Variants in TENM2 observed in about 807,000 individuals in gnomAD.
The protein encoded by TENM2 is teneurin-2.
A neutral mutation model predicts 245.2 loss-of-function variants in TENM2; 52 were observed. The observed-to-expected ratio is 0.21, with a 90% confidence interval of 0.17 to 0.27. The LOEUF is 0.27. Ranked by LOEUF, TENM2 falls within the 10% of genes least tolerant of loss-of-function variation. TENM2 has a pLI of 1.00. For synonymous variants in TENM2, 1,363 were observed against 1,438.9 expected (o/e 0.95, Z 1.19); for missense variants, 3,046 against 3,666.8 (o/e 0.83, Z 4.37).
chr5:168,048,461 C>A (rs1042968417), intron 6 of TENM2, among the ~76,000 whole-genome samples: 2 of 152,194 alleles, frequency 1.3e-5, no homozygotes, highest in Non-Finnish European at 2.9e-5. Flanking sequence ...GGAAAGGAAG[C>A]AGCATTTATT....
intron 23 of TENM2, among the ~76,000 whole-genome samples, chr5:168,219,916 TC>T (rs1290715457): frequency 1.3e-5 from 2 of 151,604 alleles, no homozygotes; most frequent in African/African-American, 4.9e-5. Flanking sequence ...AATGTTTACT[TC>T]CTGTTTGTAT....
At chr5:167,995,204 G>T (rs903525618) in intron 5 of TENM2, among the ~76,000 whole-genome samples, 1 of 152,174 alleles carries the variant, frequency 6.6e-6, no homozygotes, top group African/African-American at 2.4e-5. Context: ...GATTTATGGG[G>T]CTTGATAGTT....
At chr5:167,457,997 T>G (rs994200147) in intron 2 of TENM2, among the ~76,000 whole-genome samples, 3 of 152,234 alleles carry the variant, frequency 2.0e-5, no homozygotes, top group African/African-American at 7.2e-5. Flanking sequence ...AACTTGATTT[T>G]TTTTTAATAC....
chr5:167,905,161 C>G (rs1775989799), intron 3 of TENM2, among the ~76,000 whole-genome samples: 1 of 152,162 alleles, frequency 6.6e-6, no homozygotes. Context: ...AAGAAACCCC[C>G]AAATGCGAAC....
At chr5:167,405,526 A>G (rs1426085132) in intron 2 of TENM2, among the ~76,000 whole-genome samples, 2 of 151,970 alleles carry the variant, frequency 1.3e-5, no homozygotes, top group African/African-American at 2.4e-5. Context: ...AGGAGCTCTT[A>G]TATATTGTTT....
chr5:167,955,259 T>C (rs887955881), intron 4 of TENM2, among the ~76,000 whole-genome samples: 2 of 152,202 alleles, frequency 1.3e-5, no homozygotes, highest in Non-Finnish European at 2.9e-5. Context: ...CCCACATGAA[T>C]GTCTTCTTTT....
chr5:167,133,978 T>C, the TENM2 span, among the ~76,000 whole-genome samples: 1 of 152,196 alleles, frequency 6.6e-6, no homozygotes, highest in African/African-American at 2.4e-5. Context: ...TTCCAAAACC[T>C]CTATAGAGTG....
the TENM2 span, among the ~76,000 whole-genome samples, chr5:167,232,557 G>A: frequency 6.6e-6 from 1 of 151,998 alleles, no homozygotes; most frequent in Non-Finnish European, 1.5e-5. Context: ...ATTTTTAGTA[G>A]AGACAGGGTT....
At chr5:168,026,266 A>C (rs575189864) in intron 5 of TENM2, among the ~76,000 whole-genome samples, 2 of 152,250 alleles carry the variant, frequency 1.3e-5, no homozygotes, top group African/African-American at 2.4e-5. Context: ...AGCAGTGTCC[A>C]CCTAAACATT....
chr5:167,581,237 A>G (rs1408842005), intron 2 of TENM2, among the ~76,000 whole-genome samples: 1 of 152,236 alleles, frequency 6.6e-6, no homozygotes. Context: ...GTATAACATA[A>G]TATAAGCAAT....
At chr5:167,209,427 C>A in the TENM2 span, among the ~76,000 whole-genome samples, 1 of 151,880 alleles carries the variant, frequency 6.6e-6, no homozygotes, top group Admixed American at 6.6e-5. Flanking sequence ...CCATGCTCAG[C>A]TAATTTTTGT....
chr5:167,874,130 T>C (rs1374690622), intron 2 of TENM2, among the ~76,000 whole-genome samples: 1 of 152,180 alleles, frequency 6.6e-6, no homozygotes, highest in African/African-American at 2.4e-5. Context: ...AACTCCTACC[T>C]GGCCAGGCTG....
chr5:167,865,005 G>A lies in TENM2; in HGVS notation c.503-10981G>A, dbSNP rs114446202. On this transcript the variant is annotated intron_variant, in intron 2 of 28. Transcript: ENST00000518659. The stretch of plus-strand genomic sequence containing the variant: ...GCCTTTTGAAAATTGTTTCGGCATC[G>A]GCATACAGTTCCTTTTAATCTTTCT... Among the ~76,000 whole-genome samples the A allele has an allele frequency of 6.7e-3, 1,020 of 152,220 alleles. 5 individuals are homozygous for A. The highest frequency in any genetic ancestry group is 0.014 in the Middle Eastern group (4 of 294).
chr5:167,459,022 C>T (rs968601498), intron 2 of TENM2, among the ~76,000 whole-genome samples: 1 of 152,138 alleles, frequency 6.6e-6, no homozygotes, highest in Admixed American at 6.5e-5. Context: ...ACCATCTTAA[C>T]TATTTTTAGG....
chr5:167,226,958 G>GTA, the TENM2 span, among the ~76,000 whole-genome samples: 1 of 151,712 alleles, frequency 6.6e-6, no homozygotes, highest in South Asian at 2.1e-4. Flanking sequence ...ATATATGTGT[G>GTA]TATATATATA....
At chr5:167,883,329 C>T (rs1249783050) in intron 3 of TENM2, among the ~76,000 whole-genome samples, 1 of 152,212 alleles carries the variant, frequency 6.6e-6, no homozygotes, top group Non-Finnish European at 1.5e-5. Context: ...CAGACTTTTC[C>T]TTCTTTTCCT....
At chr5:167,161,600 A>G in the TENM2 span, among the ~76,000 whole-genome samples, 2,756 of 152,330 alleles carry the variant, frequency 0.018, 88 homozygotes, top group African/African-American at 0.062. Context: ...ATAACTTAGA[A>G]CTGCAAGCAT....
At chr5:167,665,905 A>G (rs1755543803) in intron 2 of TENM2, among the ~76,000 whole-genome samples, 2 of 152,174 alleles carry the variant, frequency 1.3e-5, no homozygotes. Context: ...AATCGCCAAC[A>G]TCATTCTCAT....
At chr5:167,399,548 A>T (rs754069845) in intron 2 of TENM2, among the ~76,000 whole-genome samples, 11 of 152,204 alleles carry the variant, frequency 7.2e-5, no homozygotes, top group Non-Finnish European at 1.6e-4. Flanking sequence ...AAAGTCCTAA[A>T]TGGTGACAGG....
Sources: gnomAD v4.1 joint callset for allele counts (sites outside exome capture counted in the v4.1 genomes callset) on GRCh38, gnomAD v4.1.1 for gene constraint, MANE v1.5 for transcripts, NCBI Gene and HGNC (gene_info 2026-07-23, HGNC 2026-07-21) for gene names.